The following KMT2E variants were observed in gnomAD, a reference collection of about 807,000 sequenced individuals.
KMT2E encodes the protein histone reader KMT2E.
Under a neutral mutation model 184.6 loss-of-function variants are expected in KMT2E, and 30 were observed. That is an observed-to-expected ratio of 0.16 (90% CI 0.12 to 0.22). The LOEUF (loss-of-function observed/expected upper bound fraction) is 0.22, where lower values mean the gene tolerates loss of function less well. KMT2E is among the 10% of genes least tolerant of loss of function. KMT2E has a pLI of 1.00. For synonymous variants in KMT2E, 815 were observed against 776.5 expected, an observed-to-expected ratio of 1.05 and a Z score of -0.82; for missense variants, 2,023 against 2,237.4, an observed-to-expected ratio of 0.90 and a Z score of 1.93.
At chr7:105,109,883 G>C (rs933018519) in intron 23 of KMT2E, among the ~76,000 whole-genome samples, 1 of 142,584 alleles carries the variant, frequency 7.0e-6, no homozygotes, top group Non-Finnish European at 1.5e-5. Flanking sequence ...TTGCTCTGTC[G>C]CCCAGTCTGG....
rs75406607 is a variant in KMT2E, at chr7:105,055,274, A to G, written c.72-6890A>G. Among the ~76,000 whole-genome samples the G allele has an allele frequency of 3.4e-3, 511 of 148,888 alleles. 2 individuals are homozygous for G. The highest frequency in any genetic ancestry group is 0.012 in the African/African-American group (464 of 40,152). ...CACTATATTGCCCAGGCTGGACTCA[A>G]ACTCTTGAGCTTAAGTGATTCCTCC... is the stretch of plus-strand genomic sequence containing the variant. On this transcript the variant is annotated intron_variant, in intron 3 of 26. Coordinates refer to ENST00000311117, the MANE Select transcript of KMT2E (RefSeq NM_182931.3).
At chr7:105,039,568 C>T (rs17639939) in intron 2 of KMT2E, among the ~76,000 whole-genome samples, 4,039 of 152,204 alleles carry the variant, frequency 0.027, 77 homozygotes, top group Middle Eastern at 0.044. Context: ...ATTCCTGTTT[C>T]ACAGATTATA....
intron 1 of KMT2E, among the ~76,000 whole-genome samples, chr7:105,031,876 T>C (rs955757036): frequency 6.7e-6 from 1 of 149,200 alleles, no homozygotes; most frequent in Non-Finnish European, 1.5e-5. Context: ...TTGAGACCAG[T>C]GTGGCCAACA....
intron 3 of KMT2E, among the ~76,000 whole-genome samples, chr7:105,044,639 G>C (rs1253478557): frequency 2.0e-5 from 3 of 152,150 alleles, no homozygotes; most frequent in Non-Finnish European, 2.9e-5. Context: ...CTGATTATCA[G>C]TTTGGAGCAG....
intron 11 of KMT2E, chr7:105,077,709 A>G (rs1016282119): frequency 1.9e-5 from 6 of 311,736 alleles, no homozygotes; most frequent in South Asian, 1.3e-4. Context: ...ACCAACAGCA[A>G]TATAGGTTGG....
At position 105,102,295 on chromosome 7, in the gene KMT2E, G is replaced by T. The variant is rs571869471; in HGVS notation, c.2196+101G>T. On this transcript the variant is annotated intron_variant, in intron 17 of 26. Transcript: ENST00000311117. ...GATTTTTAAGACCTCATAATAATAAGAGGCAGTTTTTATACTTGCAGATTT... is the reference window on the plus strand; with the variant it reads ...GATTTTTAAGACCTCATAATAATAATAGGCAGTTTTTATACTTGCAGATTT... 20 of 950,272 alleles carry T rather than the reference G, an allele frequency of 2.1e-5. No individual in the cohort carries two copies. The African/African-American group carries it at 3.1e-4, about 15-fold the overall frequency. The allele number at this position is 950,272 out of a possible 1,614,324, so 58.9% of individuals were successfully genotyped here.
At chr7:105,063,771 A>G in intron 5 of KMT2E, 191 bp downstream of exon 5, 1 of 562,276 alleles carries the variant, frequency 1.8e-6, no homozygotes, top group South Asian at 2.3e-5. Context: ...CCCTGTTGTT[A>G]ACTGAGTAAT....
intron 1 of KMT2E, among the ~76,000 whole-genome samples, chr7:105,031,219 G>A (rs1314103813): frequency 4.6e-5 from 7 of 151,536 alleles, no homozygotes; most frequent in South Asian, 4.2e-4. Context: ...TTATCCAGGC[G>A]TGGTGGCAGA....
In KMT2E at chr7:105,101,809, A is replaced by C. The variant is rs1231470364; in HGVS notation, c.1888-77A>C. On this transcript the variant is annotated intron_variant, in intron 16 of 26. Transcript: ENST00000311117. ...AAAATTCCAGAAAGTTGGCTTCTGAAGTAGAATAATGCTATTATATTTAAA... is the reference window on the plus strand; with the variant it reads ...AAAATTCCAGAAAGTTGGCTTCTGACGTAGAATAATGCTATTATATTTAAA... The C allele has an allele frequency of 5.0e-6, 6 of 1,210,964 alleles. No homozygotes were observed. In the East Asian group the frequency reaches 1.3e-4, roughly 27 times the overall value. The allele number at this position is 1,210,964 out of a possible 1,614,324, so 75.0% of individuals were successfully genotyped here. A position where few individuals can be genotyped will look rare whatever the true frequency, so the allele number is the denominator to read the frequency against.
intron 1 of KMT2E, among the ~76,000 whole-genome samples, chr7:105,021,310 C>T (rs191191640): frequency 6.6e-6 from 1 of 152,312 alleles, no homozygotes; most frequent in East Asian, 1.9e-4. Context: ...ATTAAGCCTT[C>T]GCTGTAACAA....
chr7:105,041,546 G>C (rs374382525), intron 3 of KMT2E, among the ~76,000 whole-genome samples: 4 of 152,032 alleles, frequency 2.6e-5, no homozygotes, highest in Non-Finnish European at 5.9e-5. Flanking sequence ...TATTACAGGC[G>C]TGTGTCACCA....
intron 2 of KMT2E, among the ~76,000 whole-genome samples, chr7:105,038,939 T>A (rs1795773634): frequency 6.6e-6 from 1 of 152,226 alleles, no homozygotes; most frequent in African/African-American, 2.4e-5. Context: ...TCCTGTTGAA[T>A]CAAATTCAGA....
chr7:105,106,068 C>G (rs577709192), intron 19 of KMT2E, 65 bp downstream of exon 19: 7 of 1,427,738 alleles, frequency 4.9e-6, no homozygotes, highest in Non-Finnish European at 6.6e-6. Flanking sequence ...AGCTTTATAA[C>G]AGGCATATTT....
At chr7:105,096,315 T>C (rs1350177679) in intron 15 of KMT2E, among the ~76,000 whole-genome samples, 1 of 151,870 alleles carries the variant, frequency 6.6e-6, no homozygotes, top group African/African-American at 2.4e-5. Flanking sequence ...ACTGTCTCCT[T>C]TGTAGTTTTA....
intron 17 of KMT2E, chr7:105,102,808 G>A (rs1798711410): frequency 6.6e-6 from 1 of 152,320 alleles, no homozygotes; most frequent in Non-Finnish European, 1.5e-5. Flanking sequence ...CTGTTTAGGG[G>A]TAGATCATGA....
chr7:105,091,235 A>G lies in KMT2E; in HGVS notation c.1643A>G (p.Asp548Gly), dbSNP rs925699137. 10 of 1,552,212 alleles carry G rather than the reference A, an allele frequency of 6.4e-6. No individual in the cohort carries two copies. The highest frequency in any genetic ancestry group is 8.9e-6 in the Non-Finnish European group (10 of 1,125,090). ...TTTCAGGAACCAGATTTTATTGATG[A>G]TATAGAAGAAAAAACTCCTATTAGT... Reference protein sequence around the residue: ...SNNQEPDFIDDIEEKTPISNE... With the variant: ...SNNQEPDFIDGIEEKTPISNE... The change falls in exon 15 of 27, where the codon GAT becomes GGT. Residue 548 changes from aspartate (D) to glycine (G), a missense_variant. This residue lies in a region of KMT2E where 514 missense variants were observed against 621.8 expected (regional missense o/e 0.83). Transcript: ENST00000311117.
chr7:105,101,237 A>T (rs1584796378), intron 15 of KMT2E, among the ~76,000 whole-genome samples, 188 bp from the exon 16 acceptor site: 1 of 152,194 alleles, frequency 6.6e-6, no homozygotes, highest in East Asian at 1.9e-4. Flanking sequence ...GGGCTTACCA[A>T]GATGATGGGA....
Position 105,113,679 on chromosome 7 carries a change from A to C in KMT2E, c.*346A>C, listed in dbSNP as rs534444037. On this transcript the variant is annotated 3_prime_UTR_variant, in exon 27 of 27. Transcript: ENST00000311117. ...TACACATTAAGTACTCAGCTAAGTA[A>C]TGGCACTATGAGGATTTTTTTTTTC... 5.6e-4 allele frequency: 104 copies of C among 184,440 alleles called. No homozygotes were observed. The highest frequency in any genetic ancestry group is 2.2e-3 in the African/African-American group (92 of 42,674). 11.4% of individuals were successfully genotyped at this position (184,440 alleles called of 1,614,324 possible). A position where few individuals can be genotyped will look rare whatever the true frequency, so the allele number is the denominator to read the frequency against.
intron 15 of KMT2E, among the ~76,000 whole-genome samples, chr7:105,097,171 G>A (rs1026614146): frequency 6.6e-6 from 1 of 152,190 alleles, no homozygotes; most frequent in Non-Finnish European, 1.5e-5. Flanking sequence ...TTTAGAATAT[G>A]CAATGCTTTA....
Sources: allele counts gnomAD v4.1 joint callset (sites outside exome capture counted in the v4.1 genomes callset), GRCh38; gene constraint gnomAD v4.1.1; regional missense constraint gnomAD v4.1.1; transcripts MANE v1.5; gene names NCBI Gene and HGNC (gene_info 2026-07-23, HGNC 2026-07-21).